The following EMC4 variants were observed in gnomAD, a reference collection of about 807,000 sequenced individuals.
EMC4 encodes the protein cell proliferation-inducing gene 17 protein.
EMC4 carries 9 observed loss-of-function variants against 24.2 expected under a neutral mutation model. That is an observed-to-expected ratio of 0.37 (90% CI 0.22 to 0.65). The LOEUF is 0.65. EMC4 is among the 30% of genes least tolerant of loss of function. The pLI is 0.59. For synonymous variants in EMC4, 86 were observed against 81.1 expected (o/e 1.06, Z -0.32); for missense variants, 169 against 234.6 (o/e 0.72, Z 1.83).
rs200295598 is a variant in EMC4, at chr15:34,225,103, G to C, written c.-12G>C. On this transcript the variant is annotated 5_prime_UTR_variant, in exon 1 of 5. Coordinates refer to ENST00000267750, the MANE Select transcript of EMC4 (RefSeq NM_016454.4). ...CTGAGAAGCATCGAGGCTATAGGACGCAGCTGTTGCCATGACGGCCCAGGG... is the reference window on the plus strand; with the variant it reads ...CTGAGAAGCATCGAGGCTATAGGACCCAGCTGTTGCCATGACGGCCCAGGG... The C allele has an allele frequency of 1.3e-6, 2 of 1,550,412 alleles. No individual in the cohort carries two copies. The highest frequency in any genetic ancestry group is 1.4e-5 in the African/African-American group (1 of 73,028).
rs1194530895 is a variant in EMC4 at position 34,228,778 on chromosome 15, G to A, written c.516+189G>A. 6 of 432,586 alleles carry A rather than the reference G, an allele frequency of 1.4e-5. No individual in the cohort carries two copies. The Admixed American group carries it at 2.5e-4, about 18-fold the overall frequency. The allele number at this position is 432,586 out of a possible 1,614,324, so 26.8% of individuals were successfully genotyped here. A position where few individuals can be genotyped will look rare whatever the true frequency, so the allele number is the denominator to read the frequency against. Reference sequence around the variant, plus strand: ...ATGATCTCGGCAACCTCCGCCTCCTGGGTTCAAGCAATTATTCTGCCTCAG... The same window carrying A: ...ATGATCTCGGCAACCTCCGCCTCCTAGGTTCAAGCAATTATTCTGCCTCAG... On this transcript the variant is annotated intron_variant, in intron 4 of 4. Coordinates refer to ENST00000267750, the MANE Select transcript of EMC4 (RefSeq NM_016454.4).
At chr15:34,225,389 T>C in intron 1 of EMC4, 147 bp from the exon 2 acceptor site, 1 of 812,544 alleles carries the variant, frequency 1.2e-6, no homozygotes, top group Non-Finnish European at 2.0e-6. Context: ...TCCTGATAAG[T>C]CAAAGGACTG....
chr15:34,227,862 A>T lies in EMC4; in HGVS notation c.355+16A>T, dbSNP rs1417629533. The T allele has an allele frequency of 6.2e-7, 1 of 1,609,736 alleles. No individual in the cohort carries two copies. Among genetic ancestry groups the T allele is most frequent in the East Asian group, 2.2e-5 (1 of 44,748 alleles). ...ATTTCAGCCAGTAAGTATTCTTGAA[A>T]CAATAACCCTTCCATAAGTTTGAAG... On this transcript the variant is annotated intron_variant, in intron 3 of 4. Coordinates refer to ENST00000267750, the MANE Select transcript of EMC4 (RefSeq NM_016454.4).
intron 2 of EMC4, 148 bp from the exon 3 acceptor site, chr15:34,227,545 A>AGAAGG: frequency 2.7e-6 from 2 of 741,380 alleles, no homozygotes; most frequent in East Asian, 5.1e-5. Context: ...GGCAACGTGG[A>AGAAGG]GAAGGGAAGA....
chr15:34,228,221 GT>G, intron 3 of EMC4: 7 of 566,772 alleles, frequency 1.2e-5, no homozygotes, highest in African/African-American at 1.9e-5. Context: ...CTTAGGGACA[GT>G]TTTTGGCTAA....
intron 4 of EMC4, 97 bp downstream of exon 4, chr15:34,228,686 CTTTTT>C (rs71119951): frequency 0.017 from 5,006 of 297,476 alleles, no homozygotes; most frequent in Middle Eastern, 0.035. Flanking sequence ...ATTTGAGTTT[CTTTTT>C]TTTTTTTTTT....
chr15:34,225,553 G>C lies in EMC4; in HGVS notation c.104G>C (p.Gly35Ala), dbSNP rs140809470. Residue 35 changes from glycine to alanine, a missense_variant, in exon 2 of 5, where the codon GGC becomes GCC. Transcript: ENST00000267750. Reference protein sequence around the residue: ...GGGSRGRSDRGSGQGDSLYPV... With the variant: ...GGGSRGRSDRASGQGDSLYPV... ...TTTTTTAGGGGTCGAAGTGACCGGG[G>C]CAGTGGCCAGGGAGACTCGCTCTAC... 6.8e-6 allele frequency: 11 copies of C among 1,614,126 alleles called. No homozygotes were observed. The African/African-American group carries it at 1.3e-4, about 20-fold the overall frequency.
At chr15:34,226,660 G>C (rs1890656533) in intron 2 of EMC4, 1 of 152,182 alleles carries the variant, frequency 6.6e-6, no homozygotes. Flanking sequence ...TCCTGCCTCA[G>C]CCTCCCGAGT....
At chr15:34,226,251 A>G (rs546923401) in intron 2 of EMC4, 1 of 167,078 alleles carries the variant, frequency 6.0e-6, no homozygotes, top group South Asian at 1.4e-4. Flanking sequence ...CTAGAAACTT[A>G]TCCATTTCCT....
intron 3 of EMC4, 148 bp from the exon 4 acceptor site, chr15:34,228,281 A>T: frequency 2.7e-6 from 2 of 729,550 alleles, no homozygotes; most frequent in Non-Finnish European, 4.5e-6. Context: ...AGGGGAGTGT[A>T]GTGCTTACCA....
Position 34,230,141 on chromosome 15 carries a change from A to G in EMC4, c.*353A>G. 1 of 251,510 alleles carries G rather than the reference A, an allele frequency of 4.0e-6. No homozygotes were observed. The highest frequency in any genetic ancestry group is 7.5e-6 in the Non-Finnish European group (1 of 133,290). The allele number at this position is 251,510 out of a possible 1,614,324, so 15.6% of individuals were successfully genotyped here. A position where few individuals can be genotyped will look rare whatever the true frequency, so the allele number is the denominator to read the frequency against. On this transcript the variant is annotated 3_prime_UTR_variant, in exon 5 of 5. Transcript: ENST00000267750. The stretch of plus-strand genomic sequence containing the variant: ...CTTTCAATAAATTAAATGGTTGAGA[A>G]CAATGCATAAAAAAAGTTGCACAAG...
intron 3 of EMC4, 108 bp from the exon 4 acceptor site, chr15:34,228,320 AT>A: frequency 8.6e-7 from 1 of 1,163,298 alleles, no homozygotes; most frequent in Non-Finnish European, 1.2e-6. Context: ...TAATGGTCCT[AT>A]TTGCTGTCTT....
chr15:34,226,547 T>A (rs1890653958), intron 2 of EMC4: 1 of 152,162 alleles, frequency 6.6e-6, no homozygotes, highest in Non-Finnish European at 1.5e-5. Flanking sequence ...CCATTACTTT[T>A]TTTCTTTTCT....
chr15:34,225,899 T>TGG lies in EMC4; in HGVS notation c.201+249_201+250insGG, dbSNP rs1399651925. On this transcript the variant is annotated intron_variant, in intron 2 of 4. Coordinates refer to ENST00000267750, the MANE Select transcript of EMC4 (RefSeq NM_016454.4). ...AAACTATCTTTTGGTGGCAACATCT[T>TGG]CCAGTTGAAGTGATCCTTTTTCTAC... 6.0e-6 allele frequency: 3 copies of TGG among 497,296 alleles called. No individual in the cohort carries two copies. The Admixed American group carries it at 7.3e-5, about 12-fold the overall frequency. The allele number at this position is 497,296 out of a possible 1,614,324, so 30.8% of individuals were successfully genotyped here.
chr15:34,228,520 C>A lies in EMC4; in HGVS notation c.447C>A (p.Tyr149Ter), dbSNP rs1890715962. The change falls in exon 4 of 5, where the codon TAC (tyrosine) becomes TAA (stop). Residue 149 changes from tyrosine to a stop codon, truncating the protein, a stop_gained. Coordinates refer to ENST00000267750, the MANE Select transcript of EMC4 (RefSeq NM_016454.4). LOFTEE classifies it high-confidence loss of function. The stretch of plus-strand genomic sequence containing the variant: ...TGATGGGTTTGGCATTGGCTGTTTA[C>A]AAGTGCCAGTCCATGGGACTGTTAC... ...GNLMGLALAV[Y>*]KCQSMGLLPT... 6.2e-7 allele frequency: 1 copy of A among 1,614,084 alleles called. No individual in the cohort carries two copies.
intron 1 of EMC4, 42 bp from the exon 2 acceptor site, chr15:34,225,494 T>G: frequency 7.2e-7 from 1 of 1,397,546 alleles, no homozygotes; most frequent in Non-Finnish European, 1.0e-6. Flanking sequence ...GGATAAGAAG[T>G]ATCGGAGGTT....
intron 4 of EMC4, 49 bp from the exon 5 acceptor site, chr15:34,229,698 GTTATTT>G (rs1890786358): frequency 2.0e-6 from 2 of 983,436 alleles, no homozygotes; most frequent in Non-Finnish European, 3.1e-6. Context: ...GATTCAGGAA[GTTATTT>G]TAACACTCAT....
At chr15:34,228,801 C>T (rs577434488) in intron 4 of EMC4, 1 of 361,332 alleles carries the variant, frequency 2.8e-6, no homozygotes, top group African/African-American at 2.2e-5. Context: ...TATTCTGCCT[C>T]AGCCTTCCAA....
chr15:34,229,281 C>CA (rs1461447948), intron 4 of EMC4: 1 of 153,824 alleles, frequency 6.5e-6, no homozygotes, highest in Non-Finnish European at 1.4e-5. Flanking sequence ...CTCCTGACCT[C>CA]AGGTGATCCA....
Sources: allele counts gnomAD v4.1 joint callset, GRCh38; gene constraint gnomAD v4.1.1; transcripts MANE v1.5; gene names NCBI Gene and HGNC (gene_info 2026-07-23, HGNC 2026-07-21).